CDH18: variants seen among roughly 807,000 people sequenced by gnomAD.
CDH18 encodes cadherin-18.
In CDH18, 31 loss-of-function variants were observed where a neutral mutation model predicts 67.9. The observed-to-expected ratio is 0.46, with a 90% CI of 0.34 to 0.62. The LOEUF (loss-of-function observed/expected upper bound fraction) is 0.62. Among genes scored for constraint, CDH18 ranks in the 20% least tolerant of loss-of-function variants. The probability of loss-of-function intolerance (pLI) is 0.01; values close to 1 mark genes in which losing one functional copy is unlikely to be tolerated. For synonymous variants in CDH18, 362 were observed against 347.2 expected (o/e 1.04, Z -0.48); for missense variants, 890 against 975.5 (o/e 0.91, Z 1.17).
At chr5:20,506,288 T>C (rs1260588627) in intron 1 of CDH18, among the ~76,000 whole-genome samples, 2 of 152,148 alleles carry the variant, frequency 1.3e-5, no homozygotes, top group Non-Finnish European at 2.9e-5. Context: ...AGAAAAAACA[T>C]GTGGGGTGCA....
chr5:20,471,559 T>C (rs964538158), intron 1 of CDH18, among the ~76,000 whole-genome samples: 1 of 151,932 alleles, frequency 6.6e-6, no homozygotes, highest in Admixed American at 6.6e-5. Context: ...CCCAGCACTT[T>C]GGGAGGCCGA....
At chr5:19,514,592 A>G (rs1014033614) in intron 10 of CDH18, among the ~76,000 whole-genome samples, 1 of 152,126 alleles carries the variant, frequency 6.6e-6, no homozygotes, top group Non-Finnish European at 1.5e-5. Context: ...TTCTCTGATG[A>G]CCAGTGATGA....
chr5:19,801,562 A>T lies in CDH18; in HGVS notation c.228+37197T>A, dbSNP rs368471440. ...TATAATTTGGGCATAAGGATTTTTT[A>T]AAATCTCTTGATGTGATTCTATCAT... is the stretch of plus-strand genomic sequence containing the variant. On this transcript the variant is annotated intron_variant, in intron 3 of 12. Coordinates refer to ENST00000382275, the MANE Select transcript of CDH18 (RefSeq NM_004934.5). Among the ~76,000 whole-genome samples the T allele has an allele frequency of 3.2e-3, 485 of 152,350 alleles. 2 individuals carry two copies. Among genetic ancestry groups the T allele is most frequent in the African/African-American group, 9.5e-3 (393 of 41,586 alleles).
At chr5:20,008,796 T>C (rs988570720) in intron 2 of CDH18, among the ~76,000 whole-genome samples, 3 of 152,132 alleles carry the variant, frequency 2.0e-5, no homozygotes, top group Non-Finnish European at 4.4e-5. Context: ...TTATTATAAG[T>C]AGCCAATATG....
intron 2 of CDH18, among the ~76,000 whole-genome samples, chr5:19,915,414 T>C (rs1050055707): frequency 6.6e-6 from 1 of 152,096 alleles, no homozygotes; most frequent in African/African-American, 2.4e-5. Context: ...ACTTTTGACT[T>C]TCCAAAACTT....
chr5:19,630,848 AT>A (rs1346618521), intron 5 of CDH18, among the ~76,000 whole-genome samples: 2 of 152,148 alleles, frequency 1.3e-5, no homozygotes, highest in Non-Finnish European at 2.9e-5. Context: ...ACCCGACAGG[AT>A]TATAGAGCAA....
intron 3 of CDH18, among the ~76,000 whole-genome samples, chr5:19,799,654 C>T (rs372139570): frequency 6.6e-6 from 1 of 152,042 alleles, no homozygotes; most frequent in African/African-American, 2.4e-5. Flanking sequence ...AACTTTGCTG[C>T]TACACTACTA....
intron 10 of CDH18, among the ~76,000 whole-genome samples, chr5:19,510,974 G>A (rs1240511073): frequency 6.6e-6 from 1 of 152,034 alleles, no homozygotes; most frequent in Non-Finnish European, 1.5e-5. Context: ...ACCATGCCTA[G>A]CTAATTTTTT....
intron 3 of CDH18, among the ~76,000 whole-genome samples, chr5:19,823,324 G>C (rs1349139172): frequency 6.6e-6 from 1 of 152,120 alleles, no homozygotes; most frequent in Non-Finnish European, 1.5e-5. Context: ...GTATTGATTG[G>C]GGAAGTGATA....
Position 19,550,532 on chromosome 5 carries a change from C to T in CDH18, c.1254-6527G>A, listed in dbSNP as rs532855558. ...TGCGGTGTTTGGTTTTTTGTCCTTG[C>T]GATAGTTTGCTGAGAATGATGGTTT... On this transcript the variant is annotated intron_variant, in intron 8 of 12. Coordinates refer to ENST00000382275, the MANE Select transcript of CDH18 (RefSeq NM_004934.5). Among the ~76,000 whole-genome samples the T allele has an allele frequency of 6.6e-5, 10 of 151,688 alleles. 1 individual carries two copies. The South Asian group carries it at 1.3e-3, about 19-fold the overall frequency.
At chr5:19,487,085 A>T (rs924072535) in intron 11 of CDH18, among the ~76,000 whole-genome samples, 1 of 152,226 alleles carries the variant, frequency 6.6e-6, no homozygotes, top group African/African-American at 2.4e-5. Context: ...TATAGCCAGA[A>T]CAAAGAAATT....
chr5:19,923,723 G>T (rs546953478), intron 2 of CDH18, among the ~76,000 whole-genome samples: 1 of 152,264 alleles, frequency 6.6e-6, no homozygotes, highest in Non-Finnish European at 1.5e-5. Flanking sequence ...AGACAGTGTG[G>T]TTATTTGTAA....
chr5:20,262,028 G>A (rs1744697492), intron 1 of CDH18, among the ~76,000 whole-genome samples: 1 of 152,158 alleles, frequency 6.6e-6, no homozygotes, highest in Admixed American at 6.5e-5. Flanking sequence ...TGTATTGACT[G>A]AATAGCATTG....
chr5:19,965,020 C>T (rs560974300), intron 2 of CDH18, among the ~76,000 whole-genome samples: 1 of 151,894 alleles, frequency 6.6e-6, no homozygotes, highest in Non-Finnish European at 1.5e-5. Context: ...CAATATATAC[C>T]ATAAAATGGT....
intron 1 of CDH18, among the ~76,000 whole-genome samples, chr5:20,573,568 A>G (rs1758925785): frequency 6.6e-6 from 1 of 151,604 alleles, no homozygotes; most frequent in Non-Finnish European, 1.5e-5. Flanking sequence ...ATAAAATGGA[A>G]TTATTAAAAT....
At chr5:20,541,173 C>T (rs1297336781) in intron 1 of CDH18, among the ~76,000 whole-genome samples, 1 of 152,130 alleles carries the variant, frequency 6.6e-6, no homozygotes, top group Non-Finnish European at 1.5e-5. Context: ...AAGATTTCAA[C>T]AGTAGTATGA....
In CDH18 at chr5:20,096,124, A is replaced by G. The variant is rs547716879; in HGVS notation, c.-517-104110T>C. Among the ~76,000 whole-genome samples, 19 of 152,230 alleles carry G rather than the reference A, an allele frequency of 1.2e-4. No individual in the cohort carries two copies. In the South Asian group the frequency reaches 3.3e-3, roughly 27 times the overall value. On this transcript the variant is annotated intron_variant, in intron 2 of 14. Coordinates refer to the CDH18 transcript ENST00000507958. ...TAAAATTCTGCAAAACTTTTCAAGA[A>G]CATCAGGTCAACCAGCTACATCTTT...
intron 5 of CDH18, among the ~76,000 whole-genome samples, chr5:19,680,429 G>C: frequency 6.6e-6 from 1 of 151,926 alleles, no homozygotes; most frequent in East Asian, 1.9e-4. Context: ...TGGCAAGTGG[G>C]ACTAATTAAA....
chr5:20,402,870 TG>T (rs1745887954), intron 1 of CDH18, among the ~76,000 whole-genome samples: 1 of 150,876 alleles, frequency 6.6e-6, no homozygotes. Flanking sequence ...ATTGCACCAC[TG>T]CACCCCAGGC....
Sources: gnomAD v4.1 joint callset for allele counts (sites outside exome capture counted in the v4.1 genomes callset) on GRCh38, gnomAD v4.1.1 for gene constraint, MANE v1.5 for transcripts, NCBI Gene and HGNC (gene_info 2026-07-23, HGNC 2026-07-21) for gene names.